Variants in TAFA1 observed in about 807,000 individuals in gnomAD.
TAFA1 encodes the protein TAFA chemokine like family member 1.
In TAFA1, 4 loss-of-function variants were observed where a neutral mutation model predicts 18.5. The observed-to-expected ratio is 0.22, with a 90% CI of 0.11 to 0.49. TAFA1 has a LOEUF of 0.49. TAFA1 is among the 20% of genes least tolerant of loss of function. The probability of loss-of-function intolerance (pLI) is 0.98; values close to 1 mark genes in which losing one functional copy is unlikely to be tolerated. For missense variants in TAFA1, 147 were observed against 169.0 expected (o/e 0.87, Z 0.72); for synonymous variants, 56 against 55.2 (o/e 1.01, Z -0.06).
chr3:68,042,640 A>T (rs62245876), intron 2 of TAFA1, among the ~76,000 whole-genome samples: 17,798 of 152,218 alleles, frequency 0.12, 1,136 homozygotes, highest in Middle Eastern at 0.15. Flanking sequence ...CAAAAGCAAA[A>T]CTCCATCTCA....
intron 2 of TAFA1, among the ~76,000 whole-genome samples, chr3:68,287,755 G>C (rs1004352023): frequency 6.6e-6 from 1 of 152,106 alleles, no homozygotes; most frequent in African/African-American, 2.4e-5. Flanking sequence ...CTTCCAATTA[G>C]GGCTATTTAT....
intron 3 of TAFA1, among the ~76,000 whole-genome samples, chr3:68,520,515 A>G (rs1341232715): frequency 1.3e-5 from 2 of 152,216 alleles, no homozygotes; most frequent in Non-Finnish European, 2.9e-5. Flanking sequence ...GAAACATCCA[A>G]ATGAATCTTA....
chr3:68,488,488 G>A (rs1009933568), intron 3 of TAFA1, among the ~76,000 whole-genome samples: 2 of 152,130 alleles, frequency 1.3e-5, no homozygotes, highest in African/African-American at 4.8e-5. Flanking sequence ...AAGTTGACAC[G>A]CAATATTAAC....
chr3:68,025,560 A>C (rs998916579), intron 2 of TAFA1, among the ~76,000 whole-genome samples: 5 of 152,108 alleles, frequency 3.3e-5, no homozygotes, highest in African/African-American at 1.2e-4. Context: ...GGCCCTAATA[A>C]TATGCCCTCA....
intron 3 of TAFA1, among the ~76,000 whole-genome samples, chr3:68,439,230 A>G (rs1468919186): frequency 3.3e-5 from 5 of 151,432 alleles, no homozygotes; most frequent in Non-Finnish European, 7.4e-5. Flanking sequence ...CTGTCTTCAA[A>G]TTATTCTTTT....
chr3:68,454,968 A>T (rs759132341), intron 3 of TAFA1, among the ~76,000 whole-genome samples: 1 of 152,142 alleles, frequency 6.6e-6, no homozygotes, highest in African/African-American at 2.4e-5. Flanking sequence ...GACTCCCCCA[A>T]AACTTAACTA....
chr3:68,325,830 C>T (rs1451347731), intron 2 of TAFA1, among the ~76,000 whole-genome samples: 1 of 152,088 alleles, frequency 6.6e-6, no homozygotes, highest in African/African-American at 2.4e-5. Flanking sequence ...TTCTAAGCCC[C>T]CTTTTTAAGT....
At position 68,410,705 on chromosome 3, in the gene TAFA1, CAAAAAAAAAA is replaced by C. The variant is rs34714719; in HGVS notation, c.119-6556_119-6547del. ...CAAAAAAGAGACCATTTTCCATAAGCAAAAAAAAAAAAAAAAAAAAAAAAAAAAGGAAGCT... is the reference window on the plus strand; with the variant it reads ...CAAAAAAGAGACCATTTTCCATAAGCAAAAAAAAAAAAAAAAAAGGAAGCT... On this transcript the variant is annotated intron_variant, in intron 2 of 4. Coordinates refer to ENST00000478136, the MANE Select transcript of TAFA1 (RefSeq NM_213609.4). 0.013 allele frequency among the ~76,000 whole-genome samples: 466 copies of C among 36,662 alleles called. 14 individuals carry two copies. In the East Asian group the frequency reaches 0.16, roughly 12 times the overall value. 24.1% of individuals were successfully genotyped at this position (36,662 alleles called of 152,430 possible). A position where few individuals can be genotyped will look rare whatever the true frequency, so the allele number is the denominator to read the frequency against.
At chr3:68,235,444 A>T (rs1245784823) in intron 2 of TAFA1, among the ~76,000 whole-genome samples, 1 of 152,228 alleles carries the variant, frequency 6.6e-6, no homozygotes, top group Non-Finnish European at 1.5e-5. Context: ...TATGCAAATA[A>T]CATGGAATGA....
At chr3:68,119,923 G>A (rs1382690509) in intron 2 of TAFA1, among the ~76,000 whole-genome samples, 1 of 152,286 alleles carries the variant, frequency 6.6e-6, no homozygotes, top group Non-Finnish European at 1.5e-5. Flanking sequence ...CCATACTCAA[G>A]TTTGAGAACT....
chr3:68,364,684 A>G (rs1575807100), intron 2 of TAFA1, among the ~76,000 whole-genome samples: 1 of 152,280 alleles, frequency 6.6e-6, no homozygotes, highest in Non-Finnish European at 1.5e-5. Context: ...CTGTTTTTTC[A>G]TTGTAAATTT....
At chr3:68,257,668 C>T (rs147924984) in intron 2 of TAFA1, among the ~76,000 whole-genome samples, 1 of 152,138 alleles carries the variant, frequency 6.6e-6, no homozygotes, top group Non-Finnish European at 1.5e-5. Context: ...ATGCAGTGAG[C>T]TTAGAAGGGA....
At chr3:68,176,094 A>G (rs540011969) in intron 2 of TAFA1, among the ~76,000 whole-genome samples, 9 of 152,344 alleles carry the variant, frequency 5.9e-5, no homozygotes, top group Non-Finnish European at 1.2e-4. Context: ...CTCCCCAGCC[A>G]TGTGGAACTG....
At chr3:68,390,549 C>G (rs1030765922) in intron 2 of TAFA1, among the ~76,000 whole-genome samples, 1 of 152,204 alleles carries the variant, frequency 6.6e-6, no homozygotes, top group African/African-American at 2.4e-5. Context: ...GACCCCCATG[C>G]CTTCTGATGG....
chr3:68,335,076 T>G (rs1454413054), intron 2 of TAFA1, among the ~76,000 whole-genome samples: 1 of 152,238 alleles, frequency 6.6e-6, no homozygotes, highest in Admixed American at 6.5e-5. Flanking sequence ...CATGTGACCA[T>G]AATGGTCATT....
intron 3 of TAFA1, among the ~76,000 whole-genome samples, chr3:68,443,954 G>A (rs1281753833): frequency 6.6e-6 from 1 of 152,172 alleles, no homozygotes; most frequent in Non-Finnish European, 1.5e-5. Flanking sequence ...AGGGAAGAAA[G>A]GAAAAGAAGC....
At position 68,475,234 on chromosome 3, in the gene TAFA1, G is replaced by A. The variant is rs925800511; in HGVS notation, c.259+57814G>A. Among the ~76,000 whole-genome samples, 8 of 151,832 alleles carry A rather than the reference G, an allele frequency of 5.3e-5. No individual in the cohort carries two copies. In the East Asian group the frequency reaches 1.6e-3, roughly 29 times the overall value. On this transcript the variant is annotated intron_variant, in intron 3 of 4. Coordinates refer to ENST00000478136, the MANE Select transcript of TAFA1 (RefSeq NM_213609.4). Reference sequence around the variant, plus strand: ...GCAGGTTTGTTACATATGTATACATGTGTCATGTTGGTGTGCTGCACCTAT... The same window carrying A: ...GCAGGTTTGTTACATATGTATACATATGTCATGTTGGTGTGCTGCACCTAT...
intron 3 of TAFA1, among the ~76,000 whole-genome samples, chr3:68,475,738 G>T (rs1199888590): frequency 6.6e-6 from 1 of 151,844 alleles, no homozygotes; most frequent in Non-Finnish European, 1.5e-5. Context: ...TCGCCACACT[G>T]GCTTCCACAA....
At chr3:68,336,433 A>G (rs2068970207) in intron 2 of TAFA1, among the ~76,000 whole-genome samples, 1 of 152,182 alleles carries the variant, frequency 6.6e-6, no homozygotes, top group Non-Finnish European at 1.5e-5. Context: ...TCTATATCTT[A>G]TTTTTAAAGA....
Sources: gnomAD v4.1 joint callset for allele counts (sites outside exome capture counted in the v4.1 genomes callset) on GRCh38, gnomAD v4.1.1 for gene constraint, MANE v1.5 for transcripts, NCBI Gene and HGNC (gene_info 2026-07-23, HGNC 2026-07-21) for gene names.